Variants in RPRD2 observed in about 807,000 individuals in gnomAD.
RPRD2 encodes regulation of nuclear pre-mRNA domain-containing protein 2.
In RPRD2, 12 loss-of-function variants were observed where a neutral mutation model predicts 104.4. That is an observed-to-expected ratio of 0.11 (90% CI 0.07 to 0.19). The LOEUF is 0.19. Ranked by LOEUF, RPRD2 falls within the 10% of genes least tolerant of loss-of-function variation. The pLI, the probability that RPRD2 is intolerant of heterozygous loss-of-function variation, is 1.00. For synonymous variants in RPRD2, 714 were observed against 684.9 expected (o/e 1.04, Z -0.66); for missense variants, 1,543 against 1,790.1 (o/e 0.86, Z 2.49).
At chr1:150,400,875 T>C (rs1164354953) in intron 1 of RPRD2, among the ~76,000 whole-genome samples, 3 of 147,848 alleles carry the variant, frequency 2.0e-5, no homozygotes, top group African/African-American at 7.5e-5. Context: ...TTCATAGTAC[T>C]TTTTTTTTTT....
intron 1 of RPRD2, among the ~76,000 whole-genome samples, chr1:150,374,472 C>T (rs1226752288): frequency 1.3e-5 from 2 of 152,086 alleles, no homozygotes; most frequent in East Asian, 3.9e-4. Context: ...TGTGTGAGCC[C>T]CGATTTATGG....
chr1:150,387,807 C>T (rs1553882220), intron 1 of RPRD2, among the ~76,000 whole-genome samples: 1 of 150,768 alleles, frequency 6.6e-6, no homozygotes, highest in Non-Finnish European at 1.5e-5. Context: ...CCAGGATGGT[C>T]TTGAACTCCT....
At chr1:150,430,275 CA>C (rs1188185805) in intron 2 of RPRD2, among the ~76,000 whole-genome samples, 3 of 151,894 alleles carry the variant, frequency 2.0e-5, no homozygotes, top group African/African-American at 7.3e-5. Context: ...GATATTTGGA[CA>C]GATGGAAAAA....
At chr1:150,450,929 A>C (rs1246846694) in intron 7 of RPRD2, among the ~76,000 whole-genome samples, 3 of 152,094 alleles carry the variant, frequency 2.0e-5, no homozygotes, top group Non-Finnish European at 4.4e-5. Flanking sequence ...TTATATAATC[A>C]GGAAATTAAT....
chr1:150,364,699 T>C lies in RPRD2; in HGVS notation c.-16T>C. On this transcript the variant is annotated 5_prime_UTR_variant, in exon 1 of 11. Transcript: ENST00000369068. ...CCGCCGCCAGAGGAGCAGCAGCGCT[T>C]GTGCAAACCGGGAAGATGGCGGCCG... is the stretch of plus-strand genomic sequence containing the variant. 2.0e-6 allele frequency: 3 copies of C among 1,509,660 alleles called. No homozygotes were observed. The highest frequency in any genetic ancestry group is 2.7e-6 in the Non-Finnish European group (3 of 1,109,564). The allele number at this position is 1,509,660 out of a possible 1,614,324, so 93.5% of individuals were successfully genotyped here.
intron 1 of RPRD2, among the ~76,000 whole-genome samples, chr1:150,365,813 A>T (rs940006994): frequency 6.6e-6 from 1 of 151,862 alleles, no homozygotes; most frequent in Admixed American, 6.6e-5. Context: ...CTGGTCTCGA[A>T]CTCCCGACCT....
At chr1:150,383,196 T>C (rs1661272375) in intron 1 of RPRD2, among the ~76,000 whole-genome samples, 1 of 149,356 alleles carries the variant, frequency 6.7e-6, no homozygotes. Flanking sequence ...TGTCTTGCTA[T>C]GTTGCCCAGG....
intron 1 of RPRD2, among the ~76,000 whole-genome samples, chr1:150,386,413 C>T (rs1553881826): frequency 6.6e-6 from 1 of 152,146 alleles, no homozygotes; most frequent in Non-Finnish European, 1.5e-5. Context: ...GACAAAGCCC[C>T]ATCTCTACCA....
At position 150,407,976 on chromosome 1, in the gene RPRD2, A is replaced by G. The variant is rs587767802; in HGVS notation, c.206-9620A>G. Among the ~76,000 whole-genome samples the G allele has an allele frequency of 2.4e-4, 37 of 151,934 alleles. 1 individual carries two copies. Among genetic ancestry groups the G allele is most frequent in the Admixed American group, 2.4e-3 (36 of 15,240 alleles). ...CACCCTGGAGTATAGTAGCACAACT[A>G]TGGCTCACTGCAGCCTTGACCCCCC... On this transcript the variant is annotated intron_variant, in intron 1 of 10. Transcript: ENST00000369068.
intron 1 of RPRD2, among the ~76,000 whole-genome samples, chr1:150,406,058 C>T (rs587606059): frequency 6.6e-6 from 1 of 152,230 alleles, no homozygotes; most frequent in South Asian, 2.1e-4. Flanking sequence ...TTGCTAAGAT[C>T]TGTGATAAGA....
At chr1:150,448,209 C>A (rs1411218291) in intron 7 of RPRD2, among the ~76,000 whole-genome samples, 1 of 151,960 alleles carries the variant, frequency 6.6e-6, no homozygotes, top group East Asian at 1.9e-4. Flanking sequence ...GCTTTGTCAC[C>A]CAGGCTGGAG....
In RPRD2 at chr1:150,473,161, G is replaced by C. The variant is rs746732932; in HGVS notation, c.4213G>C (p.Asp1405His). Residue 1405 changes from aspartate to histidine, a missense_variant, in exon 11 of 11, where the codon GAC becomes CAC. Physicochemically the swap from Asp to His is moderately conservative, Grantham distance 81. Around this residue, in one of 4 missense-constraint regions of RPRD2, gnomAD observed 880 missense variants for 885.6 expected, o/e 0.99. Coordinates refer to ENST00000369068, the MANE Select transcript of RPRD2 (RefSeq NM_015203.5). ...SGPPLGPSHR[D>H]TISRSGIILR... ...CCCCCCCTTGGGTCCCTCACACAGAGACACCATCAGCCGGAGTGGTATAAT... is the reference window on the plus strand; with the variant it reads ...CCCCCCCTTGGGTCCCTCACACAGACACACCATCAGCCGGAGTGGTATAAT... 2.5e-6 allele frequency: 4 copies of C among 1,614,040 alleles called. No individual in the cohort carries two copies. The highest frequency in any genetic ancestry group is 3.4e-6 in the Non-Finnish European group (4 of 1,179,902).
At chr1:150,427,084 A>G (rs768967655) in intron 2 of RPRD2, among the ~76,000 whole-genome samples, 30 of 152,092 alleles carry the variant, frequency 2.0e-4, no homozygotes, top group Non-Finnish European at 3.1e-4. Flanking sequence ...AGTGGAGGTT[A>G]CAGTGACCTG....
chr1:150,452,121 A>C (rs1207343187), intron 7 of RPRD2, among the ~76,000 whole-genome samples: 1 of 146,218 alleles, frequency 6.8e-6, no homozygotes, highest in Admixed American at 6.9e-5. Context: ...CAGCCTGGGC[A>C]AGAGAGCAAG....
At chr1:150,382,520 G>A (rs1004734304) in intron 1 of RPRD2, among the ~76,000 whole-genome samples, 1 of 151,952 alleles carries the variant, frequency 6.6e-6, no homozygotes, top group Non-Finnish European at 1.5e-5. Context: ...CACCATGCCC[G>A]GCTAATTTTT....
chr1:150,473,142 C>T lies in RPRD2; in HGVS notation c.4194C>T (p.Pro1398=), dbSNP rs587625110. ...GCAGCAACAGCAGCAGTGGCCCCCC[C>T]TTGGGTCCCTCACACAGAGACACCA... ...GGGSNSSSGP[P]LGPSHRDTIS... The change falls in exon 11 of 11, where the codon CCC becomes CCT. Residue 1398 remains proline (P), a synonymous_variant. Transcript: ENST00000369068. The T allele has an allele frequency of 5.0e-6, 8 of 1,613,984 alleles. No homozygotes were observed. In the East Asian group the frequency reaches 1.1e-4, roughly 22 times the overall value.
chr1:150,385,709 TC>T (rs1369299077), intron 1 of RPRD2, among the ~76,000 whole-genome samples: 1 of 152,218 alleles, frequency 6.6e-6, no homozygotes, highest in Non-Finnish European at 1.5e-5. Flanking sequence ...GACTTCAGTA[TC>T]ATCTTGCCAT....
At chr1:150,403,543 CA>C (rs1418849332) in intron 1 of RPRD2, among the ~76,000 whole-genome samples, 1 of 152,122 alleles carries the variant, frequency 6.6e-6, no homozygotes, top group African/African-American at 2.4e-5. Context: ...GGGTTATTTC[CA>C]TAACATAATG....
At chr1:150,424,340 A>T (rs940740785) in intron 2 of RPRD2, among the ~76,000 whole-genome samples, 9 of 151,494 alleles carry the variant, frequency 5.9e-5, no homozygotes, top group African/African-American at 2.2e-4. Context: ...CCCAGGCTGG[A>T]GTGCAGCGGC....
Sources: allele counts gnomAD v4.1 joint callset (sites outside exome capture counted in the v4.1 genomes callset), GRCh38; gene constraint gnomAD v4.1.1; regional missense constraint gnomAD v4.1.1; transcripts MANE v1.5; gene names NCBI Gene and HGNC (gene_info 2026-07-23, HGNC 2026-07-21).